The following ZNF516 variants were observed in gnomAD, a reference collection of about 807,000 sequenced individuals.
ZNF516 encodes zinc finger protein 516.
ZNF516 carries 19 observed loss-of-function variants against 79.7 expected under a neutral mutation model. The ratio of observed to expected loss-of-function variants is 0.24; its 90% CI spans 0.17 to 0.35. ZNF516 has a LOEUF of 0.35. Among genes scored for constraint, ZNF516 ranks in the 10% least tolerant of loss-of-function variants. The pLI, the probability that ZNF516 is intolerant of heterozygous loss-of-function variation, is 1.00. For missense variants in ZNF516, 1,678 were observed against 1,679.5 expected (o/e 1.00, Z 0.02); for synonymous variants, 877 against 739.5 (o/e 1.19, Z -3.02).
intron 6 of ZNF516, among the ~76,000 whole-genome samples, chr18:76,365,452 T>C (rs1434931392): frequency 6.6e-6 from 1 of 152,228 alleles, no homozygotes; most frequent in Non-Finnish European, 1.5e-5. Flanking sequence ...CTAAAGAAAC[T>C]TCCTAGTTTT....
chr18:76,404,743 G>A (rs1057079658), intron 3 of ZNF516, among the ~76,000 whole-genome samples: 9 of 152,298 alleles, frequency 5.9e-5, no homozygotes, highest in African/African-American at 1.9e-4. Context: ...TGTGCGTTGT[G>A]TGTGCATGAG....
intron 1 of ZNF516, among the ~76,000 whole-genome samples, chr18:76,471,799 G>C (rs1443788723): frequency 1.3e-5 from 2 of 152,134 alleles, no homozygotes; most frequent in African/African-American, 4.8e-5. Context: ...CTTACTGCAG[G>C]TGTCCCCAAG....
chr18:76,480,500 C>CATATACACAT (rs1216584754), intron 1 of ZNF516, among the ~76,000 whole-genome samples: 24 of 71,932 alleles, frequency 3.3e-4, no homozygotes, highest in African/African-American at 2.5e-3. Flanking sequence ...CACATACACA[C>CATATACACAT]ACACACACAC....
intron 3 of ZNF516, among the ~76,000 whole-genome samples, chr18:76,423,355 C>T (rs914855734): frequency 6.6e-6 from 1 of 152,222 alleles, no homozygotes; most frequent in African/African-American, 2.4e-5. Context: ...TACCTTGCCT[C>T]AAACACCATT....
Position 76,454,104 on chromosome 18 carries a change from AAG to A in ZNF516, c.-158+8922_-158+8923del, listed in dbSNP as rs373267647. Among the ~76,000 whole-genome samples, 280 of 152,314 alleles carry A rather than the reference AAG, an allele frequency of 1.8e-3. 1 individual carries two copies. Among genetic ancestry groups the A allele is most frequent in the African/African-American group, 6.5e-3 (271 of 41,566 alleles). On this transcript the variant is annotated intron_variant, in intron 2 of 6. Coordinates refer to ENST00000443185, the MANE Select transcript of ZNF516 (RefSeq NM_014643.4). ...AGAAAGAACTGTGCCCAAGAATACA[AAG>A]AGAGATAATTGTATGCAGTAAGCCA...
At chr18:76,406,140 G>A (rs778457446) in intron 3 of ZNF516, among the ~76,000 whole-genome samples, 13 of 152,314 alleles carry the variant, frequency 8.5e-5, no homozygotes, top group East Asian at 3.9e-4. Context: ...GGCACCGCCC[G>A]GCCTGCAACT....
chr18:76,414,163 C>T (rs75124228), intron 3 of ZNF516, among the ~76,000 whole-genome samples: 3,433 of 152,204 alleles, frequency 0.023, 56 homozygotes, highest in Non-Finnish European at 0.036. Context: ...TTAGTGAAAT[C>T]CTTCATTGTT....
At chr18:76,377,712 G>GTTTTTT (rs1344595134) in intron 4 of ZNF516, among the ~76,000 whole-genome samples, 1 of 134,778 alleles carries the variant, frequency 7.4e-6, no homozygotes, top group Admixed American at 7.5e-5. Flanking sequence ...GGCTTACAAC[G>GTTTTTT]TTATTTTTTT....
chr18:76,424,980 C>A (rs915659461), intron 3 of ZNF516, among the ~76,000 whole-genome samples: 2 of 145,656 alleles, frequency 1.4e-5, no homozygotes, highest in African/African-American at 5.1e-5. Context: ...GAAACACACA[C>A]GCAGGTGAAA....
At chr18:76,371,411 G>GA (rs918131797) in intron 5 of ZNF516, 56 bp downstream of exon 5, 4 of 1,516,736 alleles carry the variant, frequency 2.6e-6, no homozygotes, top group Non-Finnish European at 3.6e-6. Flanking sequence ...GCCACTGACA[G>GA]AAGAGACCCC....
At chr18:76,396,901 G>C (rs528009204) in intron 3 of ZNF516, among the ~76,000 whole-genome samples, 1 of 152,280 alleles carries the variant, frequency 6.6e-6, no homozygotes, top group African/African-American at 2.4e-5. Context: ...GCTTTTCCAT[G>C]AAAAAACAAG....
At chr18:76,386,284 T>G (rs887733852) in intron 3 of ZNF516, 1 of 152,038 alleles carries the variant, frequency 6.6e-6, no homozygotes, top group African/African-American at 2.4e-5. Context: ...TCTGCACAGT[T>G]GCTGGACCCG....
At chr18:76,449,161 G>A (rs1912245244) in intron 2 of ZNF516, among the ~76,000 whole-genome samples, 1 of 152,180 alleles carries the variant, frequency 6.6e-6, no homozygotes, top group South Asian at 2.1e-4. Context: ...TCGTTCCAGA[G>A]CACAGATGGG....
At position 76,443,446 on chromosome 18, in the gene ZNF516, G is replaced by T. The variant is rs186502660; in HGVS notation, c.-157-235C>A. On this transcript the variant is annotated intron_variant, in intron 2 of 6. Coordinates refer to ENST00000443185, the MANE Select transcript of ZNF516 (RefSeq NM_014643.4). ...ATGATTAACATAAATGTTAATGATTGTGCACCAAAATAATTTTCTTTTCCC... is the reference window on the plus strand; with the variant it reads ...ATGATTAACATAAATGTTAATGATTTTGCACCAAAATAATTTTCTTTTCCC... Among the ~76,000 whole-genome samples, 857 of 152,312 alleles carry T rather than the reference G, an allele frequency of 5.6e-3. 4 individuals carry two copies. Among genetic ancestry groups the T allele is most frequent in the Non-Finnish European group, 9.0e-3 (613 of 68,032 alleles).
rs1423801561 is a variant in ZNF516, at chr18:76,358,310, CA to C, written c.*4187del. The C allele has an allele frequency of 1.3e-5, 2 of 152,124 alleles. No homozygotes were observed. The highest frequency in any genetic ancestry group is 2.9e-5 in the Non-Finnish European group (2 of 68,036). 9.4% of individuals were successfully genotyped at this position (152,124 alleles called of 1,614,324 possible). A position where few individuals can be genotyped will look rare whatever the true frequency, so the allele number is the denominator to read the frequency against. ...CTTTTTCAGAAATAGTTAAATACAT[CA>C]ATCTAGTTACAAATTCTAATATAAA... is the stretch of plus-strand genomic sequence containing the variant. On this transcript the variant is annotated 3_prime_UTR_variant, in exon 7 of 7. Transcript: ENST00000443185.
At chr18:76,429,982 G>A (rs1175409127) in intron 3 of ZNF516, among the ~76,000 whole-genome samples, 3 of 152,146 alleles carry the variant, frequency 2.0e-5, no homozygotes, top group African/African-American at 4.8e-5. Context: ...CTGGTGTGAC[G>A]CACAACCTGT....
At chr18:76,383,978 C>T (rs763396267) in intron 3 of ZNF516, among the ~76,000 whole-genome samples, 2 of 152,224 alleles carry the variant, frequency 1.3e-5, no homozygotes, top group East Asian at 3.8e-4. Flanking sequence ...GGTTTCCTTA[C>T]TGCCAAGGTT....
At chr18:76,435,993 T>C (rs1336766401) in intron 3 of ZNF516, among the ~76,000 whole-genome samples, 1 of 152,252 alleles carries the variant, frequency 6.6e-6, no homozygotes, top group East Asian at 1.9e-4. Context: ...TGGGGGCACC[T>C]GACTTCAGGA....
At chr18:76,429,023 G>A (rs1422502906) in intron 3 of ZNF516, among the ~76,000 whole-genome samples, 2 of 152,222 alleles carry the variant, frequency 1.3e-5, no homozygotes, top group African/African-American at 4.8e-5. Context: ...GTCAGCACGA[G>A]ATGCAGGCTG....
Sources: gnomAD v4.1 joint callset for allele counts (sites outside exome capture counted in the v4.1 genomes callset) on GRCh38, gnomAD v4.1.1 for gene constraint, MANE v1.5 for transcripts, NCBI Gene and HGNC (gene_info 2026-07-23, HGNC 2026-07-21) for gene names.